Variants in PHTF2 observed in about 807,000 individuals in gnomAD.
PHTF2 encodes putative homeodomain transcription factor 2.
In PHTF2, 60 loss-of-function variants were observed where a neutral mutation model predicts 101.2. The observed-to-expected ratio is 0.59, with a 90% CI of 0.48 to 0.73. The LOEUF is 0.73. Ranked by LOEUF, PHTF2 falls within the 30% of genes least tolerant of loss-of-function variation. PHTF2 has a pLI of 0.00. For synonymous variants in PHTF2, 311 were observed against 307.3 expected, an observed-to-expected ratio of 1.01 and a Z score of -0.13; for missense variants, 747 against 908.7, an observed-to-expected ratio of 0.82 and a Z score of 2.29.
chr7:77,799,737 CCTT>C (rs1326170524), intron 1 of PHTF2, among the ~76,000 whole-genome samples: 3 of 152,200 alleles, frequency 2.0e-5, no homozygotes, highest in Non-Finnish European at 4.4e-5. Flanking sequence ...AATCTGTCAC[CCTT>C]CTTATTTTTA....
intron 12 of PHTF2, among the ~76,000 whole-genome samples, chr7:77,930,882 A>G (rs1227336504): frequency 2.0e-5 from 3 of 152,254 alleles, no homozygotes; most frequent in Admixed American, 1.3e-4. Context: ...AGCAAAAACA[A>G]TTTTGAAGAA....
chr7:77,800,806 T>C (rs1414232891), intron 1 of PHTF2, among the ~76,000 whole-genome samples: 1 of 152,264 alleles, frequency 6.6e-6, no homozygotes, highest in Non-Finnish European at 1.5e-5. Flanking sequence ...AGATGGGTAC[T>C]GATTACTGTC....
At chr7:77,899,971 A>T (rs1328349656) in intron 5 of PHTF2, among the ~76,000 whole-genome samples, 1 of 127,242 alleles carries the variant, frequency 7.9e-6, no homozygotes, top group African/African-American at 3.0e-5. Context: ...TTACTTTGTT[A>T]TAGGTTTTTT....
chr7:77,816,965 CTGT>C (rs1310338774), intron 1 of PHTF2, among the ~76,000 whole-genome samples: 4 of 152,188 alleles, frequency 2.6e-5, no homozygotes, highest in African/African-American at 9.7e-5. Flanking sequence ...ATCCATTCAT[CTGT>C]TGTTGGGCAT....
intron 1 of PHTF2, among the ~76,000 whole-genome samples, chr7:77,824,995 G>C (rs1310988510): frequency 1.3e-5 from 2 of 152,024 alleles, no homozygotes; most frequent in African/African-American, 4.8e-5. Context: ...CCATGATTGT[G>C]CCACTGCATT....
At chr7:77,933,952 ATATC>A (rs1263138883) in intron 12 of PHTF2, among the ~76,000 whole-genome samples, 1 of 152,168 alleles carries the variant, frequency 6.6e-6, no homozygotes, top group Non-Finnish European at 1.5e-5. Context: ...TCTACTCTGT[ATATC>A]TAATTATGGT....
intron 9 of PHTF2, among the ~76,000 whole-genome samples, chr7:77,914,543 G>A (rs1447503302): frequency 6.6e-6 from 1 of 152,066 alleles, no homozygotes; most frequent in Non-Finnish European, 1.5e-5. Flanking sequence ...AGCTTGGAAA[G>A]ATATTCCTAG....
rs184670528 is a variant in PHTF2 at position 77,827,535 on chromosome 7, G to A, written c.-35-12686G>A. ...CGCCCGGCTAGTTTTTGTATTTTTA[G>A]TAGAGATGGGGTTTCACCATCTTGG... On this transcript the variant is annotated intron_variant, in intron 1 of 19. Transcript: ENST00000416283. 2.1e-3 allele frequency among the ~76,000 whole-genome samples: 325 copies of A among 152,048 alleles called. 1 individual carries two copies. Among genetic ancestry groups the A allele is most frequent in the African/African-American group, 7.3e-3 (304 of 41,462 alleles).
intron 3 of PHTF2, among the ~76,000 whole-genome samples, chr7:77,865,257 G>A (rs192109283): frequency 2.8e-4 from 42 of 150,922 alleles, no homozygotes; most frequent in African/African-American, 8.5e-4. Flanking sequence ...ACAGAGTCTC[G>A]CTCTGTTGCC....
chr7:77,846,282 C>G (rs1796275454), intron 2 of PHTF2, among the ~76,000 whole-genome samples: 1 of 152,168 alleles, frequency 6.6e-6, no homozygotes, highest in South Asian at 2.1e-4. Context: ...TTCTGTTTCC[C>G]TTGCCAGTGA....
intron 1 of PHTF2, among the ~76,000 whole-genome samples, chr7:77,823,580 A>C (rs1794476407): frequency 6.6e-6 from 1 of 152,212 alleles, no homozygotes; most frequent in Admixed American, 6.5e-5. Flanking sequence ...ATATGTTCTC[A>C]CAATTTAATT....
intron 3 of PHTF2, among the ~76,000 whole-genome samples, chr7:77,858,769 A>G (rs1797383233): frequency 6.6e-6 from 1 of 151,990 alleles, no homozygotes; most frequent in African/African-American, 2.4e-5. Flanking sequence ...ATTTTTCCCA[A>G]GAGTGCTTCT....
intron 16 of PHTF2, among the ~76,000 whole-genome samples, chr7:77,943,153 G>A (rs995331648): frequency 1.1e-4 from 16 of 151,944 alleles, no homozygotes; most frequent in Admixed American, 8.5e-4. Flanking sequence ...ATGGAGTCTC[G>A]CTCTGTCGCG....
intron 1 of PHTF2, among the ~76,000 whole-genome samples, chr7:77,800,261 A>C (rs780666506): frequency 3.3e-5 from 5 of 152,204 alleles, no homozygotes; most frequent in African/African-American, 1.2e-4. Flanking sequence ...TATCAGTTGT[A>C]GTGGCTCCAC....
At chr7:77,931,933 C>T (rs1201116067) in intron 12 of PHTF2, among the ~76,000 whole-genome samples, 1 of 152,084 alleles carries the variant, frequency 6.6e-6, no homozygotes, top group Non-Finnish European at 1.5e-5. Context: ...AACCCTGTCT[C>T]TACTGAAAAT....
rs552206499 is a variant in PHTF2 at position 77,871,706 on chromosome 7, G to A, written c.147+16872G>A. 7.2e-5 allele frequency among the ~76,000 whole-genome samples: 11 copies of A among 152,298 alleles called. No individual in the cohort carries two copies. In the South Asian group the frequency reaches 1.5e-3, roughly 20 times the overall value. On this transcript the variant is annotated intron_variant, in intron 3 of 19. Transcript: ENST00000416283. ...GTCACCTAGTTGCCGTTGTAATTGT[G>A]ACTTCGAAAGGGTATTCCACTGTTG...
chr7:77,891,994 A>C (rs1380116817), intron 3 of PHTF2, among the ~76,000 whole-genome samples: 10 of 152,248 alleles, frequency 6.6e-5, no homozygotes, highest in Admixed American at 3.9e-4. Flanking sequence ...ATAAGAGAGA[A>C]TAGCCGGGTG....
At chr7:77,918,387 C>T (rs566797170) in intron 9 of PHTF2, among the ~76,000 whole-genome samples, 1 of 152,308 alleles carries the variant, frequency 6.6e-6, no homozygotes, top group South Asian at 2.1e-4. Flanking sequence ...CTTGCATATA[C>T]TGTCTGATTA....
intron 3 of PHTF2, among the ~76,000 whole-genome samples, chr7:77,891,433 C>T (rs1439784929): frequency 3.9e-5 from 6 of 152,026 alleles, no homozygotes; most frequent in African/African-American, 4.8e-5. Flanking sequence ...TAGGACTAAC[C>T]AGTTGGTTGT....
Sources: gnomAD v4.1 joint callset for allele counts (sites outside exome capture counted in the v4.1 genomes callset) on GRCh38, gnomAD v4.1.1 for gene constraint, MANE v1.5 for transcripts, NCBI Gene and HGNC (gene_info 2026-07-23, HGNC 2026-07-21) for gene names.